PTPRQ: variants seen among roughly 807,000 people sequenced by gnomAD.
PTPRQ encodes the protein protein tyrosine phosphatase receptor type Q.
A neutral mutation model predicts 246.0 loss-of-function variants in PTPRQ; 199 were observed. That is an observed-to-expected ratio of 0.81 (90% CI 0.72 to 0.91). The LOEUF is 0.91. Among genes scored for constraint, PTPRQ ranks in the 40% least tolerant of loss-of-function variants. The pLI is 0.00. For missense variants in PTPRQ, 2,624 were observed against 2,528.4 expected (o/e 1.04, Z -0.81); for synonymous variants, 869 against 853.2 (o/e 1.02, Z -0.32).
At chr12:80,649,512 G>A in intron 36 of PTPRQ, 76 bp from the exon 37 acceptor site, 1 of 1,483,842 alleles carries the variant, frequency 6.7e-7, no homozygotes, top group Non-Finnish European at 9.0e-7. Flanking sequence ...CTTGTTAAAA[G>A]TGAAGCCAGT....
Position 80,514,629 on chromosome 12 carries a change from T to TA in PTPRQ, c.2678+4189dup, listed in dbSNP as rs1382995958. On this transcript the variant is annotated intron_variant, in intron 17 of 44. Coordinates refer to ENST00000644991, the MANE Select transcript of PTPRQ (RefSeq NM_001145026.2). Reference sequence around the variant, plus strand: ...TTTGTATATATATTATACAAATTTTTAAATATATTTGTATATTTTGTATAC... The same window carrying TA: ...TTTGTATATATATTATACAAATTTTTAAAATATATTTGTATATTTTGTATAC... 1.3e-3 allele frequency among the ~76,000 whole-genome samples: 184 copies of TA among 142,234 alleles called. 1 individual carries two copies. The highest frequency in any genetic ancestry group is 4.5e-3 in the South Asian group (21 of 4,642). 93.3% of individuals were successfully genotyped at this position (142,234 alleles called of 152,430 possible). A position where few individuals can be genotyped will look rare whatever the true frequency, so the allele number is the denominator to read the frequency against.
intron 29 of PTPRQ, 88 bp downstream of exon 29, chr12:80,613,924 A>G: frequency 7.4e-7 from 1 of 1,348,758 alleles, no homozygotes; most frequent in Non-Finnish European, 9.6e-7. Flanking sequence ...TTGTGTACAC[A>G]TGACATTTCC....
intron 27 of PTPRQ, among the ~76,000 whole-genome samples, chr12:80,608,472 T>C (rs752461805): frequency 6.7e-6 from 1 of 149,968 alleles, no homozygotes. Flanking sequence ...AAAGATATAA[T>C]ATATGCGTGC....
chr12:80,487,856 C>T (rs373168430), intron 9 of PTPRQ, among the ~76,000 whole-genome samples: 200 of 152,096 alleles, frequency 1.3e-3, no homozygotes, highest in East Asian at 4.3e-3. Context: ...ATTATAATCG[C>T]GCAGTTTCTT....
intron 24 of PTPRQ, 75 bp from the exon 25 acceptor site, chr12:80,549,390 T>G: frequency 7.0e-7 from 1 of 1,433,644 alleles, no homozygotes; most frequent in Non-Finnish European, 9.2e-7. Context: ...ATGTATCTAG[T>G]GATCACGTAA....
chr12:80,466,755 G>T (rs1893432879), intron 6 of PTPRQ, among the ~76,000 whole-genome samples: 1 of 152,174 alleles, frequency 6.6e-6, no homozygotes, highest in South Asian at 2.1e-4. Context: ...AAGCAATGTG[G>T]AAAGGATTCC....
chr12:80,468,867 T>C, intron 7 of PTPRQ, 29 bp downstream of exon 7: 1 of 1,535,706 alleles, frequency 6.5e-7, no homozygotes, highest in Non-Finnish European at 8.8e-7. Context: ...TGTGTTTGCC[T>C]TTTGGAGTGA....
intron 38 of PTPRQ, among the ~76,000 whole-genome samples, chr12:80,657,754 T>C (rs1277017743): frequency 6.6e-6 from 1 of 151,682 alleles, no homozygotes; most frequent in East Asian, 1.9e-4. Flanking sequence ...TAAAGAAAAT[T>C]AGAATATAAA....
In PTPRQ at chr12:80,622,072, G is replaced by C; in HGVS notation, c.5624G>C (p.Arg1875Thr). The C allele has an allele frequency of 1.4e-6, 2 of 1,414,376 alleles. No homozygotes were observed. The highest frequency in any genetic ancestry group is 3.2e-5 in the South Asian group (2 of 63,476). 87.6% of individuals were successfully genotyped at this position (1,414,376 alleles called of 1,614,324 possible). The change falls in exon 33 of 45, where the codon AGA (arginine) becomes ACA (threonine). Residue 1875 changes from arginine to threonine, a missense_variant. By Grantham distance (71) the Arg-to-Thr change is moderately conservative. Transcript: ENST00000644991. ...KPKKQYLFKFRATNIMGQFTD... is the reference protein window; with the variant it reads ...KPKKQYLFKFTATNIMGQFTD... The stretch of plus-strand genomic sequence containing the variant: ...TTTTTATTTTATAGATTTAAATTTA[G>C]AGCTACAAATATTATGGGACAATTT...
In PTPRQ at chr12:80,539,789, A is replaced by C. The variant is rs1213540066; in HGVS notation, c.2999A>C (p.His1000Pro). ...TTTATTTTTCAGAATTTTACACTCC[A>C]TGAAGTAACCAATGACTTTGACAAT... ...SGTFMQNFTL[H>P]EVTNDFDNMT... The change falls in exon 20 of 45, where the codon CAT becomes CCT. Residue 1000 changes from histidine to proline, a missense_variant. By Grantham distance (77) the His-to-Pro change is moderately conservative. Coordinates refer to ENST00000644991, the MANE Select transcript of PTPRQ (RefSeq NM_001145026.2). 25 of 1,544,450 alleles carry C rather than the reference A, an allele frequency of 1.6e-5. No individual in the cohort carries two copies. Among genetic ancestry groups the C allele is most frequent in the Non-Finnish European group, 2.1e-5 (24 of 1,144,502 alleles).
In PTPRQ at chr12:80,459,331, G is replaced by T. The variant is rs1425984126; in HGVS notation, c.508G>T (p.Ala170Ser). Residue 170 changes from alanine to serine, a missense_variant, in exon 5 of 45, where the codon GCA (alanine) becomes TCA (serine). Coordinates refer to ENST00000644991, the MANE Select transcript of PTPRQ (RefSeq NM_001145026.2). ...CACAGTTGAGGCCTACAACGCTTCA[G>T]CAGTTAAGCTGATTTGGTATTTACC... ...NLTVEAYNAS[A>S]VKLIWYLPRQ... 2 of 398,346 alleles carry T rather than the reference G, an allele frequency of 5.0e-6. No individual in the cohort carries two copies. Among genetic ancestry groups the T allele is most frequent in the African/African-American group, 4.1e-5 (2 of 48,624 alleles). 24.7% of individuals were successfully genotyped at this position (398,346 alleles called of 1,614,324 possible). A position where few individuals can be genotyped will look rare whatever the true frequency, so the allele number is the denominator to read the frequency against.
At chr12:80,639,375 C>A (rs1899774306) in intron 35 of PTPRQ, among the ~76,000 whole-genome samples, 1 of 152,078 alleles carries the variant, frequency 6.6e-6, no homozygotes, top group Non-Finnish European at 1.5e-5. Flanking sequence ...TTGACAGAAA[C>A]TCAGTTTCTT....
intron 25 of PTPRQ, among the ~76,000 whole-genome samples, chr12:80,578,830 T>TG (rs1479155926): frequency 2.0e-5 from 3 of 152,342 alleles, no homozygotes; most frequent in East Asian, 3.9e-4. Context: ...CAGAGATTAT[T>TG]GTATTTTTGT....
intron 33 of PTPRQ, among the ~76,000 whole-genome samples, chr12:80,629,991 G>C (rs774643338): frequency 1.3e-5 from 2 of 151,990 alleles, no homozygotes; most frequent in Non-Finnish European, 2.9e-5. Flanking sequence ...GTCACATAAC[G>C]CATATTCCAC....
intron 36 of PTPRQ, 51 bp downstream of exon 36, chr12:80,648,974 G>A: frequency 6.8e-7 from 1 of 1,472,336 alleles, no homozygotes; most frequent in South Asian, 1.4e-5. Flanking sequence ...AAAGTTAGAT[G>A]CACTGACTCA....
intron 30 of PTPRQ, among the ~76,000 whole-genome samples, chr12:80,618,257 T>C (rs1175554378): frequency 6.6e-6 from 1 of 151,246 alleles, no homozygotes; most frequent in Non-Finnish European, 1.5e-5. Flanking sequence ...AAAAACAATG[T>C]TGATAATCCT....
chr12:80,636,479 T>C (rs1429309889), intron 35 of PTPRQ, among the ~76,000 whole-genome samples: 1 of 152,178 alleles, frequency 6.6e-6, no homozygotes, highest in Non-Finnish European at 1.5e-5. Flanking sequence ...GCCAAATGAA[T>C]TTTAGTGGTA....
intron 36 of PTPRQ, among the ~76,000 whole-genome samples, 171 bp from the exon 37 acceptor site, chr12:80,649,417 A>G (rs998682117): frequency 1.3e-5 from 2 of 151,888 alleles, no homozygotes; most frequent in Non-Finnish European, 2.9e-5. Flanking sequence ...GAGCTTAAAG[A>G]AGAAAAGTTA....
chr12:80,483,457 C>A (rs975036083), intron 8 of PTPRQ, among the ~76,000 whole-genome samples: 2 of 148,970 alleles, frequency 1.3e-5, no homozygotes, highest in South Asian at 4.3e-4. Context: ...AGCGCACCAG[C>A]GTGGCACATG....
Sources: allele counts gnomAD v4.1 joint callset (sites outside exome capture counted in the v4.1 genomes callset), GRCh38; gene constraint gnomAD v4.1.1; transcripts MANE v1.5; gene names NCBI Gene and HGNC (gene_info 2026-07-23, HGNC 2026-07-21).